Variants in NLGN4X observed in about 807,000 individuals in gnomAD.
The protein encoded by NLGN4X is neuroligin-4, X-linked.
A neutral mutation model predicts 40.3 loss-of-function variants in NLGN4X; 3 were observed. The ratio of observed to expected loss-of-function variants is 0.07; its 90% CI spans 0.03 to 0.19. The LOEUF is 0.19. Ranked by LOEUF, NLGN4X falls within the 10% of genes least tolerant of loss-of-function variation. The pLI, the probability that NLGN4X is intolerant of heterozygous loss-of-function variation, is 1.00. For synonymous variants in NLGN4X, 270 were observed against 306.8 expected (o/e 0.88, Z 1.25); for missense variants, 382 against 708.3 (o/e 0.54, Z 5.23).
chrX:6,017,808 A>G (rs761388746), intron 3 of NLGN4X, among the ~76,000 whole-genome samples: 1 of 111,846 alleles, frequency 8.9e-6, no homozygotes, highest in East Asian at 2.8e-4. Context: ...TGCAGTGTAC[A>G]TGAAACATTC....
At chrX:6,086,555 A>T (rs1422949014) in intron 2 of NLGN4X, among the ~76,000 whole-genome samples, 1 of 112,057 alleles carries the variant, frequency 8.9e-6, no homozygotes, top group Non-Finnish European at 1.9e-5. Flanking sequence ...TCAACAATCC[A>T]TCAATCTTTC....
chrX:6,054,525 T>C (rs962117022), intron 2 of NLGN4X, among the ~76,000 whole-genome samples: 1 of 110,755 alleles, frequency 9.0e-6, no homozygotes, highest in Non-Finnish European at 1.9e-5. Context: ...GAAGCTGAGG[T>C]GGGAGGATCA....
In NLGN4X at chrX:6,010,997, A is replaced by G. The variant is rs73627041; in HGVS notation, c.625+18283T>C. Among the ~76,000 whole-genome samples the G allele has an allele frequency of 9.1e-3, 1,016 of 111,805 alleles. 11 individuals carry two copies. Among genetic ancestry groups the G allele is most frequent in the African/African-American group, 0.031 (965 of 30,764 alleles). On this transcript the variant is annotated intron_variant, in intron 3 of 5. Coordinates refer to ENST00000381095, the MANE Select transcript of NLGN4X (RefSeq NM_181332.3). Reference sequence around the variant, plus strand: ...CCTATCATTGGTATATTCAAAAGTTAAATGAAAATTCCACTGCAAATTAAA... The same window carrying G: ...CCTATCATTGGTATATTCAAAAGTTGAATGAAAATTCCACTGCAAATTAAA...
At chrX:5,988,290 T>C (rs2035584762) in intron 3 of NLGN4X, among the ~76,000 whole-genome samples, 1 of 111,911 alleles carries the variant, frequency 8.9e-6, no homozygotes, top group Non-Finnish European at 1.9e-5. Flanking sequence ...GGCTTAACAC[T>C]ACAGTTATTC....
At chrX:6,127,713 T>C (rs1207925068) in intron 2 of NLGN4X, among the ~76,000 whole-genome samples, 1 of 112,538 alleles carries the variant, frequency 8.9e-6, no homozygotes, top group Non-Finnish European at 1.9e-5. Context: ...TATATAAAAA[T>C]AAACTCTGCA....
intron 5 of NLGN4X, among the ~76,000 whole-genome samples, chrX:5,901,395 G>T (rs1275738934): frequency 9.0e-6 from 1 of 111,580 alleles, no homozygotes; most frequent in Non-Finnish European, 1.9e-5. Context: ...AGAGGCTCAG[G>T]GTGATGATGG....
chrX:5,985,126 A>C (rs1330692475), intron 3 of NLGN4X, among the ~76,000 whole-genome samples: 1 of 112,409 alleles, frequency 8.9e-6, no homozygotes, highest in African/African-American at 3.2e-5. Context: ...AAAATGTATT[A>C]ATTAAAATTA....
chrX:5,968,994 C>T (rs887909313), intron 3 of NLGN4X, among the ~76,000 whole-genome samples: 7 of 111,688 alleles, frequency 6.3e-5, no homozygotes, highest in Non-Finnish European at 3.8e-5. Context: ...CCAGTCTCAA[C>T]TTCCTTACAC....
chrX:6,123,387 G>A (rs2039468478), intron 2 of NLGN4X, among the ~76,000 whole-genome samples: 1 of 111,977 alleles, frequency 8.9e-6, no homozygotes, highest in African/African-American at 3.2e-5. Context: ...TTAAATGATA[G>A]CTTAAATCCA....
chrX:6,192,439 TTATAA>T (rs1243878107), intron 1 of NLGN4X, among the ~76,000 whole-genome samples: 2 of 111,835 alleles, frequency 1.8e-5, no homozygotes, highest in Non-Finnish European at 3.8e-5. Context: ...CAATTACTTC[TTATAA>T]TATGACAGGT....
chrX:5,916,111 A>G (rs781220659), intron 3 of NLGN4X, among the ~76,000 whole-genome samples: 1 of 111,544 alleles, frequency 9.0e-6, no homozygotes, highest in South Asian at 3.8e-4. Flanking sequence ...AGAATGGGTA[A>G]AACCCAGGAA....
chrX:6,042,366 A>C (rs1435449231), intron 2 of NLGN4X, among the ~76,000 whole-genome samples: 1 of 109,608 alleles, frequency 9.1e-6, no homozygotes, highest in Non-Finnish European at 1.9e-5. Flanking sequence ...ACTTTCCATA[A>C]GCACTTTTTG....
At chrX:6,115,288 C>T (rs771822311) in intron 2 of NLGN4X, among the ~76,000 whole-genome samples, 7 of 111,492 alleles carry the variant, frequency 6.3e-5, no homozygotes, top group Admixed American at 1.9e-4. Flanking sequence ...TACAGGATCA[C>T]GGTGGCACAT....
chrX:5,907,281 C>T (rs1292141605), intron 4 of NLGN4X, among the ~76,000 whole-genome samples: 1 of 111,733 alleles, frequency 8.9e-6, no homozygotes, highest in African/African-American at 3.3e-5. Flanking sequence ...TCCTTTTAGG[C>T]CACAGCCAGG....
chrX:6,148,051 T>A (rs1391850907), intron 2 of NLGN4X, among the ~76,000 whole-genome samples: 4 of 112,113 alleles, frequency 3.6e-5, no homozygotes, highest in Non-Finnish European at 7.5e-5. Flanking sequence ...AGAAAAAAAA[T>A]ATATGTTTCA....
At chrX:6,067,105 T>TCC (rs139427925) in intron 2 of NLGN4X, among the ~76,000 whole-genome samples, 14,101 of 101,987 alleles carry the variant, frequency 0.14, 1,139 homozygotes, top group Admixed American at 0.2. Flanking sequence ...TGAGATACAG[T>TCC]CCCCCCCCCA....
chrX:5,986,873 T>TTG (rs1205752346), intron 3 of NLGN4X, among the ~76,000 whole-genome samples: 6 of 111,860 alleles, frequency 5.4e-5, no homozygotes, highest in Non-Finnish European at 1.1e-4. Context: ...ATGTTGAAGA[T>TTG]TGCACACTCC....
Position 5,947,675 on chromosome X carries a change from T to C in NLGN4X, c.626-38436A>G, listed in dbSNP as rs191407971. 2.0e-4 allele frequency among the ~76,000 whole-genome samples: 22 copies of C among 112,171 alleles called. No homozygotes were observed. The East Asian group carries it at 4.7e-3, about 24-fold the overall frequency. On this transcript the variant is annotated intron_variant, in intron 3 of 5. Coordinates refer to ENST00000381095, the MANE Select transcript of NLGN4X (RefSeq NM_181332.3). Reference sequence around the variant, plus strand: ...TTGGTAACAGAGGATCTGTGCCTTATACAAGGAAATAAGATATATTACGTG... The same window carrying C: ...TTGGTAACAGAGGATCTGTGCCTTACACAAGGAAATAAGATATATTACGTG...
intron 2 of NLGN4X, among the ~76,000 whole-genome samples, chrX:6,085,097 C>T (rs2038463661): frequency 1.9e-5 from 2 of 107,814 alleles, no homozygotes; most frequent in South Asian, 4.2e-4. Flanking sequence ...CAGGGTGAGC[C>T]CACCACAAGC....
Sources: gnomAD v4.1 joint callset for allele counts (sites outside exome capture counted in the v4.1 genomes callset) on GRCh38, gnomAD v4.1.1 for gene constraint, MANE v1.5 for transcripts, NCBI Gene and HGNC (gene_info 2026-07-23, HGNC 2026-07-21) for gene names.